COMMD3: variants seen among roughly 807,000 people sequenced by gnomAD.
COMMD3 encodes the protein COMM domain-containing protein 3.
In COMMD3, 31 loss-of-function variants were observed where a neutral mutation model predicts 31.2. The observed-to-expected ratio is 0.99, with a 90% CI of 0.75 to 1.34. The LOEUF (loss-of-function observed/expected upper bound fraction) is 1.34, where lower values mean the gene tolerates loss of function less well. COMMD3 is among the 40% of genes most tolerant of loss of function. The probability of loss-of-function intolerance (pLI) is 0.00; values close to 1 mark genes in which losing one functional copy is unlikely to be tolerated. For synonymous variants in COMMD3, 108 were observed against 87.3 expected, an observed-to-expected ratio of 1.24 and a Z score of -1.32; for missense variants, 274 against 236.9, an observed-to-expected ratio of 1.16 and a Z score of -1.03.
In COMMD3 at chr10:22,320,080, C is replaced by CTGGATG; in HGVS notation, c.*84_*89dup. 1 of 1,612,334 alleles carries CTGGATG rather than the reference C, an allele frequency of 6.2e-7. No individual in the cohort carries two copies. On this transcript the variant is annotated 3_prime_UTR_variant, in exon 8 of 8. Coordinates refer to ENST00000376836, the MANE Select transcript of COMMD3 (RefSeq NM_012071.4). ...TCAGCTGAACCACCGTTTGTGCGAG[C>CTGGATG]TGGATGTCCTTTTCAGTAGAAAAGA...
In COMMD3 at chr10:22,317,869, GTTAA is replaced by G; in HGVS notation, c.140-12_140-9del. ...TTTATTATCATAGGCATCACTGGAA[GTTAA>G]TTTATTTTAGATCATCCAGACTTGA... is the stretch of plus-strand genomic sequence containing the variant. On this transcript the variant is annotated splice_polypyrimidine_tract_variant and intron_variant, in intron 1 of 7. Transcript: ENST00000376836. 3 of 1,611,642 alleles carry G rather than the reference GTTAA, an allele frequency of 1.9e-6. No homozygotes were observed. The highest frequency in any genetic ancestry group is 1.7e-5 in the Admixed American group (1 of 59,450).
Position 22,319,984 on chromosome 10 carries a change from G to A in COMMD3, c.574G>A (p.Ala192Thr), listed in dbSNP as rs770525724. 9.3e-6 allele frequency: 15 copies of A among 1,614,036 alleles called. No homozygotes were observed. Among genetic ancestry groups the A allele is most frequent in the African/African-American group, 1.3e-5 (1 of 74,938 alleles). ...AGATGCTTCGAAAAGCCTGGAAAGAGCAACTCAGTTGTAACTTGGGGAAGT... is the reference window on the plus strand; with the variant it reads ...AGATGCTTCGAAAAGCCTGGAAAGAACAACTCAGTTGTAACTTGGGGAAGT... ...LKDASKSLER[A>T]TQL Residue 192 changes from alanine (A) to threonine (T), a missense_variant, in exon 8 of 8, where the codon GCA becomes ACA. Coordinates refer to ENST00000376836, the MANE Select transcript of COMMD3 (RefSeq NM_012071.4).
At chr10:22,319,186 A>G (rs896990413) in intron 7 of COMMD3, 168 bp downstream of exon 7, 1 of 682,492 alleles carries the variant, frequency 1.5e-6, no homozygotes, top group Non-Finnish European at 2.3e-6. Context: ...ATTTTAAGAT[A>G]GGCTTCACTT....
intron 7 of COMMD3, 74 bp downstream of exon 7, chr10:22,319,092 T>A: frequency 6.8e-7 from 1 of 1,468,370 alleles, no homozygotes; most frequent in South Asian, 1.4e-5. Flanking sequence ...CTTGGGAAGT[T>A]CAAAAGAAAA....
intron 7 of COMMD3, 42 bp downstream of exon 7, chr10:22,319,060 A>G: frequency 6.4e-7 from 1 of 1,550,506 alleles, no homozygotes. Context: ...CTTTTTATAA[A>G]TGTTTACTTG....
At chr10:22,318,918 T>G in intron 6 of COMMD3, 41 bp from the exon 7 acceptor site, 1 of 1,611,802 alleles carries the variant, frequency 6.2e-7, no homozygotes, top group Non-Finnish European at 8.5e-7. Flanking sequence ...TTGATTTAAA[T>G]AAACAGCGTT....
intron 7 of COMMD3, chr10:22,319,327 T>G (rs1835915136): frequency 8.0e-6 from 2 of 249,976 alleles, no homozygotes; most frequent in Non-Finnish European, 1.5e-5. Context: ...TAAACAAAAT[T>G]AAGAGCATGG....
At chr10:22,316,623 C>T in intron 1 of COMMD3, 67 bp downstream of exon 1, 2 of 1,408,122 alleles carry the variant, frequency 1.4e-6, no homozygotes, top group African/African-American at 1.5e-5. Flanking sequence ...GAAGAGGAGC[C>T]GGCGGAGCGA....
chr10:22,318,969 C>A lies in COMMD3; in HGVS notation c.479C>A (p.Ser160Tyr). 1.2e-6 allele frequency: 2 copies of A among 1,612,908 alleles called. No individual in the cohort carries two copies. The highest frequency in any genetic ancestry group is 1.7e-6 in the Non-Finnish European group (2 of 1,179,638). The part of the protein sequence containing the change: ...LVTLSVQNTD[S>Y]PSYPEISFSC... ...TTTTTCCTGCCCTAGAACACTGATT[C>A]CCCATCCTATCCAGAGATTAGTTTT... The change falls in exon 7 of 8, where the codon TCC becomes TAC. Residue 160 changes from serine to tyrosine, a missense_variant. Physicochemically the swap from Ser to Tyr is moderately radical, Grantham distance 144. Transcript: ENST00000376836.
chr10:22,318,623 T>C (rs770378970), intron 4 of COMMD3, 30 bp from the exon 5 acceptor site: 3 of 1,583,732 alleles, frequency 1.9e-6, no homozygotes, highest in South Asian at 1.1e-5. Flanking sequence ...CTGAGGAGAC[T>C]ATGTACGAAG....
chr10:22,316,773 A>C (rs1835858073), intron 1 of COMMD3: 12 of 643,602 alleles, frequency 1.9e-5, no homozygotes, highest in Admixed American at 4.1e-5. Flanking sequence ...CATAGAGCCA[A>C]CTCCACGTTC....
At chr10:22,316,595 G>C in intron 1 of COMMD3, 39 bp downstream of exon 1, 1 of 1,449,232 alleles carries the variant, frequency 6.9e-7, no homozygotes, top group Non-Finnish European at 9.2e-7. Flanking sequence ...GATCCGCCGG[G>C]GTGGAGGGGC....
At chr10:22,318,628 A>G in intron 4 of COMMD3, 25 bp from the exon 5 acceptor site, 1 of 1,598,334 alleles carries the variant, frequency 6.3e-7, no homozygotes, top group Non-Finnish European at 8.6e-7. Flanking sequence ...GAGACTATGT[A>G]CGAAGTTATC....
Position 22,317,922 on chromosome 10 carries a change from A to G in COMMD3, c.178A>G (p.Lys60Glu). The G allele has an allele frequency of 6.2e-7, 1 of 1,614,056 alleles. No homozygotes were observed. The highest frequency in any genetic ancestry group is 8.5e-7 in the Non-Finnish European group (1 of 1,179,942). Residue 60 changes from lysine to glutamate, a missense_variant, in exon 2 of 8, where the codon AAA (lysine) becomes GAA (glutamate). Lys to Glu is a moderately conservative substitution (Grantham distance 56, BLOSUM62 1). Transcript: ENST00000376836. ...GAAACATATCGACCCAGTGGTTTTA[A>G]AACATTGTCATGCAGCAGCTGCAAC... is the stretch of plus-strand genomic sequence containing the variant. ...DLKHIDPVVL[K>E]HCHAAAATYI...
At chr10:22,319,873 C>T in intron 7 of COMMD3, 66 bp from the exon 8 acceptor site, 4 of 1,582,794 alleles carry the variant, frequency 2.5e-6, no homozygotes, top group Admixed American at 3.5e-5. Context: ...TTGCATCTTT[C>T]TTGAGCTTGG....
rs768358909 is a variant in COMMD3, at chr10:22,318,120, CTG to C, written c.269_270del (p.Cys90Ter). On this transcript the variant is annotated frameshift_variant, in exon 3 of 8. Coordinates refer to ENST00000376836, the MANE Select transcript of COMMD3 (RefSeq NM_012071.4). LOFTEE classifies it high-confidence loss of function. ...KSTLSTYLED[C>X]KFDRERIELF... ...TTTCTTCTAGCACTTATCTAGAAGA[CTG>C]TAAATTTGACAGAGAGCGAATAGAA... 10 of 1,612,580 alleles carry C rather than the reference CTG, an allele frequency of 6.2e-6. No individual in the cohort carries two copies. In the African/African-American group the frequency reaches 6.7e-5, roughly 11 times the overall value.
intron 6 of COMMD3, 36 bp downstream of exon 6, chr10:22,318,898 T>C (rs1835904974): frequency 1.9e-6 from 3 of 1,610,502 alleles, no homozygotes; most frequent in Non-Finnish European, 2.5e-6. Flanking sequence ...TAATGAAATT[T>C]ATAATTTCAT....
At chr10:22,319,183 G>T in intron 7 of COMMD3, 165 bp downstream of exon 7, 5 of 697,664 alleles carry the variant, frequency 7.2e-6, no homozygotes, top group Non-Finnish European at 1.1e-5. Flanking sequence ...AGTATTTTAA[G>T]ATAGGCTTCA....
chr10:22,319,695 G>A (rs1343054313), intron 7 of COMMD3: 3 of 466,874 alleles, frequency 6.4e-6, no homozygotes, highest in African/African-American at 3.9e-5. Context: ...ATGTATCTGG[G>A]CGGTTAAGGA....
Sources: gnomAD v4.1 joint callset for allele counts on GRCh38, gnomAD v4.1.1 for gene constraint, MANE v1.5 for transcripts, NCBI Gene and HGNC (gene_info 2026-07-23, HGNC 2026-07-21) for gene names.